Variants in TMPRSS4 observed in about 807,000 individuals in gnomAD.
The protein encoded by TMPRSS4 is transmembrane serine protease 4.
A neutral mutation model predicts 56.4 loss-of-function variants in TMPRSS4; 45 were observed. That is an observed-to-expected ratio of 0.80 (90% confidence interval 0.63 to 1.02). The LOEUF (loss-of-function observed/expected upper bound fraction) is 1.02, where lower values mean the gene tolerates loss of function less well. Ranked by LOEUF, TMPRSS4 falls within the 50% of genes least tolerant of loss-of-function variation. The pLI is 0.00. For missense variants in TMPRSS4, 546 were observed against 556.7 expected, an observed-to-expected ratio of 0.98 and a Z score of 0.19; for synonymous variants, 205 against 211.0, an observed-to-expected ratio of 0.97 and a Z score of 0.25.
intron 11 of TMPRSS4, among the ~76,000 whole-genome samples, chr11:118,116,958 G>A (rs1480435754): frequency 2.0e-5 from 3 of 151,942 alleles, no homozygotes; most frequent in East Asian, 1.9e-4. Context: ...TGATTCACCC[G>A]CCTCAGCCTC....
chr11:118,106,597 G>T (rs552994493), intron 5 of TMPRSS4: 1 of 150,958 alleles, frequency 6.6e-6, no homozygotes, highest in African/African-American at 2.4e-5. Context: ...TGATTCTTTC[G>T]CCTCAGCCTC....
intron 7 of TMPRSS4, among the ~76,000 whole-genome samples, chr11:118,110,739 C>T (rs780055021): frequency 1.6e-4 from 24 of 152,158 alleles, no homozygotes; most frequent in Non-Finnish European, 3.2e-4. Context: ...GGTTGTGCTC[C>T]TACAAGAATC....
intron 7 of TMPRSS4, among the ~76,000 whole-genome samples, chr11:118,109,369 A>C (rs1439441208): frequency 2.0e-5 from 3 of 152,240 alleles, no homozygotes; most frequent in African/African-American, 7.2e-5. Flanking sequence ...AGATGAGTGA[A>C]ATAATTGGCC....
At chr11:118,116,670 A>G (rs953453704) in intron 11 of TMPRSS4, among the ~76,000 whole-genome samples, 21 of 149,316 alleles carry the variant, frequency 1.4e-4, no homozygotes, top group African/African-American at 4.9e-4. Flanking sequence ...TCTATAAGTG[A>G]TTACACAAAT....
At position 118,110,344 on chromosome 11, in the gene TMPRSS4, C is replaced by CTTTT. The variant is rs11320723; in HGVS notation, c.584-1386_584-1383dup. On this transcript the variant is annotated intron_variant, in intron 7 of 12. Transcript: ENST00000437212. ...GGGGATAGAGAGCATTAGATTCTCT[C>CTTTT]TTTTTTTTTTTTTTGAGACCAAGTC... Among the ~76,000 whole-genome samples, 13 of 146,650 alleles carry CTTTT rather than the reference C, an allele frequency of 8.9e-5. No homozygotes were observed. The East Asian group carries it at 1.6e-3, about 18-fold the overall frequency.
At position 118,117,977 on chromosome 11, in the gene TMPRSS4, C is replaced by T; in HGVS notation, c.*64C>T. ...CCTGCCCTGCCCACCTGGGGATCCC[C>T]CAAAGTCAGACACAGAGCAAGAGTC... On this transcript the variant is annotated 3_prime_UTR_variant, in exon 13 of 13. Coordinates refer to ENST00000437212, the MANE Select transcript of TMPRSS4 (RefSeq NM_019894.4). 1.9e-6 allele frequency: 3 copies of T among 1,611,560 alleles called. No individual in the cohort carries two copies. The highest frequency in any genetic ancestry group is 1.1e-5 in the South Asian group (1 of 90,980).
chr11:118,115,247 A>G lies in TMPRSS4; in HGVS notation c.1119A>G (p.Ala373=), dbSNP rs1229273023. 1 of 1,612,760 alleles carries G rather than the reference A, an allele frequency of 6.2e-7. No homozygotes were observed. The highest frequency in any genetic ancestry group is 8.5e-7 in the Non-Finnish European group (1 of 1,179,904). ...QGEVTEKMMC[A]GIPEGGVDTC... ...AAGTCACCGAGAAGATGATGTGTGCAGGCATCCCGGAAGGGGGTGTGGACA... is the reference window on the plus strand; with the variant it reads ...AAGTCACCGAGAAGATGATGTGTGCGGGCATCCCGGAAGGGGGTGTGGACA... The change falls in exon 11 of 13, where the codon GCA becomes GCG. Residue 373 remains alanine (A), a synonymous_variant. Transcript: ENST00000437212.
At chr11:118,110,951 A>T (rs374542535) in intron 7 of TMPRSS4, among the ~76,000 whole-genome samples, 107 of 152,380 alleles carry the variant, frequency 7.0e-4, no homozygotes, top group African/African-American at 2.5e-3. Context: ...TATATGAAAC[A>T]GCAGGAGGCT....
chr11:118,118,146 T>A lies in TMPRSS4; in HGVS notation c.*233T>A, dbSNP rs1947661872. The A allele has an allele frequency of 7.0e-7, 1 of 1,418,736 alleles. No individual in the cohort carries two copies. The highest frequency in any genetic ancestry group is 1.4e-5 in the African/African-American group (1 of 69,036). 87.9% of individuals were successfully genotyped at this position (1,418,736 alleles called of 1,614,324 possible). On this transcript the variant is annotated 3_prime_UTR_variant, in exon 13 of 13. Transcript: ENST00000437212. ...TCGGCCACACTTGGTGCTCCCAGCA[T>A]CCCAGGGAGAGACACAGCCCACTGA... is the stretch of plus-strand genomic sequence containing the variant.
intron 1 of TMPRSS4, chr11:118,088,256 G>C (rs1362459452): frequency 6.6e-6 from 1 of 152,210 alleles, no homozygotes; most frequent in Non-Finnish European, 1.5e-5. Flanking sequence ...CTGTAAAATG[G>C]GGACAATTTC....
At chr11:118,102,909 T>C in intron 3 of TMPRSS4, 192 bp from the exon 4 acceptor site, 1 of 668,308 alleles carries the variant, frequency 1.5e-6, no homozygotes. Context: ...GGGCCGGTGT[T>C]ACTATCTCCA....
intron 5 of TMPRSS4, chr11:118,106,896 G>A (rs1947019337): frequency 6.6e-6 from 1 of 152,198 alleles, no homozygotes; most frequent in Non-Finnish European, 1.5e-5. Context: ...ACAGAACCTA[G>A]ATCATGAGGA....
At chr11:118,081,305 T>C (rs1172294371) in intron 1 of TMPRSS4, among the ~76,000 whole-genome samples, 1 of 152,200 alleles carries the variant, frequency 6.6e-6, no homozygotes, top group African/African-American at 2.4e-5. Context: ...GGTCTGAGCC[T>C]GCCCGGAAAC....
chr11:118,093,033 G>A (rs982865717), intron 1 of TMPRSS4, among the ~76,000 whole-genome samples: 4 of 152,166 alleles, frequency 2.6e-5, no homozygotes, highest in Admixed American at 2.0e-4. Flanking sequence ...ATAGGAGGCC[G>A]GTCTTGTATT....
At chr11:118,109,020 T>A in intron 7 of TMPRSS4, 124 bp downstream of exon 7, 1 of 1,093,944 alleles carries the variant, frequency 9.1e-7, no homozygotes, top group Non-Finnish European at 1.3e-6. Context: ...CTACAGCCCT[T>A]GGGCTTGTCG....
intron 2 of TMPRSS4, among the ~76,000 whole-genome samples, chr11:118,095,693 C>A (rs999115089): frequency 3.9e-5 from 6 of 152,146 alleles, no homozygotes; most frequent in African/African-American, 1.4e-4. Context: ...GTGAACGTGA[C>A]TATGCAGAAC....
At chr11:118,125,197 A>G (rs968337058), downstream of TMPRSS4, 2 of 448,156 alleles carry the variant, frequency 4.5e-6, no homozygotes, top group African/African-American at 4.0e-5. Flanking sequence ...GCTGAGTAAC[A>G]AAACATGGAA....
chr11:118,121,318 A>T lies in TMPRSS4; in HGVS notation c.*3405A>T, dbSNP rs1027299527. On this transcript the variant is annotated 3_prime_UTR_variant, in exon 13 of 13. Coordinates refer to ENST00000437212, the MANE Select transcript of TMPRSS4 (RefSeq NM_019894.4). The stretch of plus-strand genomic sequence containing the variant: ...TGAGGCAATTGTGAAAATGTAGGTA[A>T]GTCTAAACACACTCTGTCTACTTCT... 6.6e-6 allele frequency: 1 copy of T among 151,220 alleles called. No individual in the cohort carries two copies. Among genetic ancestry groups the T allele is most frequent in the African/African-American group, 2.4e-5 (1 of 41,046 alleles). 9.4% of individuals were successfully genotyped at this position (151,220 alleles called of 1,614,324 possible).
In TMPRSS4 at chr11:118,117,348, A is replaced by C. The variant is rs775314905; in HGVS notation, c.1196A>C (p.His399Pro). ...GPLMYQSDQW[H>P]VVGIVSWGYG... is the part of the protein sequence containing the mutation. ...CTGATGTACCAATCTGACCAGTGGCATGTGGTGGGCATCGTTAGTTGGGGC... is the reference window on the plus strand; with the variant it reads ...CTGATGTACCAATCTGACCAGTGGCCTGTGGTGGGCATCGTTAGTTGGGGC... Residue 399 changes from histidine (H) to proline (P), a missense_variant, in exon 12 of 13, where the codon CAT becomes CCT. His to Pro is a moderately conservative substitution (Grantham distance 77). Coordinates refer to ENST00000437212, the MANE Select transcript of TMPRSS4 (RefSeq NM_019894.4). The C allele has an allele frequency of 3.0e-5, 49 of 1,613,996 alleles. 1 individual carries two copies. The Middle Eastern group carries it at 1.5e-3, about 49-fold the overall frequency.
Sources: allele counts gnomAD v4.1 joint callset (sites outside exome capture counted in the v4.1 genomes callset), GRCh38; gene constraint gnomAD v4.1.1; transcripts MANE v1.5; gene names NCBI Gene and HGNC (gene_info 2026-07-23, HGNC 2026-07-21).